The following SAMMSON variants were observed in gnomAD, a reference collection of about 807,000 sequenced individuals.
The protein encoded by SAMMSON is long intergenic non-protein coding RNA 1212.
At chr3:70,430,561 C>T (rs145585996) in intron 2 of SAMMSON, among the ~76,000 whole-genome samples, 231 of 152,084 alleles carry the variant, frequency 1.5e-3, no homozygotes, top group African/African-American at 5.4e-3. Context: ...AAAGAGTATG[C>T]AGAAGACCAT....
At chr3:70,092,619 C>T (rs1286727842) in intron 4 of SAMMSON, among the ~76,000 whole-genome samples, 1 of 152,054 alleles carries the variant, frequency 6.6e-6, no homozygotes, top group African/African-American at 2.4e-5. Context: ...CTTCTTTGTT[C>T]CCAAGCTGGG....
At chr3:70,412,364 T>A (rs1342406427) in intron 2 of SAMMSON, among the ~76,000 whole-genome samples, 1 of 152,238 alleles carries the variant, frequency 6.6e-6, no homozygotes, top group Non-Finnish European at 1.5e-5. Flanking sequence ...AAATATTTAA[T>A]TATTAAAATA....
chr3:70,228,567 A>C (rs548387989), intron 4 of SAMMSON, among the ~76,000 whole-genome samples: 5 of 151,746 alleles, frequency 3.3e-5, no homozygotes, highest in Middle Eastern at 3.4e-3. Context: ...TAGATTAAGT[A>C]AATGAAAGGA....
At chr3:70,401,152 G>C (rs1039513052) in intron 2 of SAMMSON, among the ~76,000 whole-genome samples, 2 of 151,756 alleles carry the variant, frequency 1.3e-5, no homozygotes, top group Admixed American at 1.3e-4. Flanking sequence ...TTATATAATA[G>C]ATATTTTGTT....
chr3:70,328,767 A>T (rs1311354727), intron 7 of SAMMSON, among the ~76,000 whole-genome samples: 1 of 152,148 alleles, frequency 6.6e-6, no homozygotes, highest in East Asian at 1.9e-4. Flanking sequence ...TGAAGAAATA[A>T]TGGCTGAATC....
chr3:70,403,531 C>G lies in SAMMSON; in HGVS notation n.233+45207C>G, dbSNP rs546255576. Reference sequence around the variant, plus strand: ...AGATTGGCAAACTATGACTCGCAGTCTCAATCTGCGTTGCGATCTTTTGTG... The same window carrying G: ...AGATTGGCAAACTATGACTCGCAGTGTCAATCTGCGTTGCGATCTTTTGTG... On this transcript the variant is annotated intron_variant and non_coding_transcript_variant, in intron 2 of 3. Transcript: ENST00000641053. 5.9e-5 allele frequency among the ~76,000 whole-genome samples: 9 copies of G among 152,276 alleles called. 1 individual carries two copies. Among genetic ancestry groups the G allele is most frequent in the African/African-American group, 2.2e-4 (9 of 41,554 alleles).
At chr3:70,428,709 A>G (rs926515974) in intron 2 of SAMMSON, among the ~76,000 whole-genome samples, 16 of 152,192 alleles carry the variant, frequency 1.1e-4, no homozygotes, top group African/African-American at 3.6e-4. Flanking sequence ...CATTGGAAAT[A>G]GTTGTGGAGT....
chr3:70,296,900 A>T (rs1448525875), intron 7 of SAMMSON, among the ~76,000 whole-genome samples: 1 of 152,002 alleles, frequency 6.6e-6, no homozygotes, highest in Non-Finnish European at 1.5e-5. Context: ...TTGCCCTTAG[A>T]GTAAACTTTC....
At chr3:70,196,096 TG>T (rs1449805081) in intron 4 of SAMMSON, among the ~76,000 whole-genome samples, 1 of 152,228 alleles carries the variant, frequency 6.6e-6, no homozygotes, top group East Asian at 1.9e-4. Context: ...TTTAATATCC[TG>T]TTGCTTATTG....
intron 7 of SAMMSON, among the ~76,000 whole-genome samples, chr3:70,318,743 T>G (rs1366079933): frequency 6.6e-6 from 1 of 152,038 alleles, no homozygotes; most frequent in Non-Finnish European, 1.5e-5. Context: ...GACAATGCTG[T>G]GTTCTTTTTA....
At chr3:70,217,808 G>C (rs964387467) in intron 4 of SAMMSON, among the ~76,000 whole-genome samples, 4 of 152,118 alleles carry the variant, frequency 2.6e-5, no homozygotes, top group Non-Finnish European at 5.9e-5. Context: ...TATTTAGCTA[G>C]TTCTGTCTCT....
intron 6 of SAMMSON, among the ~76,000 whole-genome samples, chr3:70,277,518 C>A (rs17006997): frequency 0.058 from 8,817 of 152,170 alleles, 623 homozygotes; most frequent in East Asian, 0.36. Flanking sequence ...GATCTCTGAA[C>A]GAACAGACCG....
intron 7 of SAMMSON, among the ~76,000 whole-genome samples, chr3:70,337,072 T>A (rs1235412485): frequency 1.2e-5 from 1 of 80,838 alleles, no homozygotes; most frequent in African/African-American, 3.5e-5. Flanking sequence ...TAATAATATC[T>A]AACTTAATAT....
chr3:70,052,509 C>A (rs574537123), intron 3 of SAMMSON, among the ~76,000 whole-genome samples: 1 of 152,188 alleles, frequency 6.6e-6, no homozygotes, highest in East Asian at 1.9e-4. Flanking sequence ...TATTTGTACA[C>A]TGCATGTATG....
intron 9 of SAMMSON, among the ~76,000 whole-genome samples, chr3:70,383,367 A>G (rs565522721): frequency 7.3e-5 from 11 of 150,624 alleles, no homozygotes; most frequent in African/African-American, 2.2e-4. Context: ...AAACAACCTT[A>G]TGGTCCTCCT....
At chr3:70,223,468 C>A (rs1226475026) in intron 4 of SAMMSON, among the ~76,000 whole-genome samples, 1 of 152,120 alleles carries the variant, frequency 6.6e-6, no homozygotes, top group Non-Finnish European at 1.5e-5. Flanking sequence ...AAAATGATTC[C>A]ATTTTTTCCT....
At chr3:70,031,729 G>T (rs1234609773) in intron 3 of SAMMSON, among the ~76,000 whole-genome samples, 1 of 152,118 alleles carries the variant, frequency 6.6e-6, no homozygotes, top group East Asian at 1.9e-4. Context: ...GTGGGATTTG[G>T]TTAGCTTTTC....
chr3:70,429,256 C>T (rs1445792082), intron 2 of SAMMSON, among the ~76,000 whole-genome samples: 1 of 152,006 alleles, frequency 6.6e-6, no homozygotes, highest in Non-Finnish European at 1.5e-5. Context: ...TATCAGGATT[C>T]TCAAAGATCA....
chr3:70,348,478 CAGAGAGAGAG>C (rs150383912), intron 7 of SAMMSON, among the ~76,000 whole-genome samples: 1 of 149,338 alleles, frequency 6.7e-6, no homozygotes, highest in Non-Finnish European at 1.5e-5. Context: ...CCTTACATGG[CAGAGAGAGAG>C]AGAGAGAGCT....
Sources: gnomAD v4.1 joint callset for allele counts (sites outside exome capture counted in the v4.1 genomes callset) on GRCh38, gnomAD v4.1.1 for gene constraint, MANE v1.5 for transcripts, NCBI Gene and HGNC (gene_info 2026-07-23, HGNC 2026-07-21) for gene names.